The following CHST9 variants were observed in gnomAD, a reference collection of about 807,000 sequenced individuals.
CHST9 encodes the protein carbohydrate sulfotransferase 9.
In CHST9, 41 loss-of-function variants were observed where a neutral mutation model predicts 44.4. The ratio of observed to expected loss-of-function variants is 0.92; its 90% CI spans 0.72 to 1.20. CHST9 has a LOEUF of 1.20. Ranked by LOEUF, CHST9 falls within the 50% of genes most tolerant of loss-of-function variation. The probability of loss-of-function intolerance (pLI) is 0.00; values close to 1 mark genes in which losing one functional copy is unlikely to be tolerated. For synonymous variants in CHST9, 171 were observed against 178.4 expected (o/e 0.96, Z 0.33); for missense variants, 504 against 516.5 (o/e 0.98, Z 0.23).
At chr18:27,057,791 G>A (rs945494710) in intron 2 of CHST9, among the ~76,000 whole-genome samples, 1 of 152,228 alleles carries the variant, frequency 6.6e-6, no homozygotes, top group Admixed American at 6.5e-5. Context: ...AGCTTGAGAA[G>A]GACTGAATGC....
intron 4 of CHST9, among the ~76,000 whole-genome samples, chr18:27,001,384 G>A (rs1445087495): frequency 6.6e-6 from 1 of 152,204 alleles, no homozygotes; most frequent in Non-Finnish European, 1.5e-5. Flanking sequence ...GCTGCATCTA[G>A]TCCAAGAATG....
intron 4 of CHST9, among the ~76,000 whole-genome samples, chr18:26,956,501 T>TAC (rs1225034723): frequency 3.3e-5 from 5 of 149,364 alleles, no homozygotes; most frequent in African/African-American, 1.2e-4. Flanking sequence ...TTTATATATA[T>TAC]ACACACACAC....
At chr18:26,935,358 AC>A (rs2145096549) in intron 5 of CHST9, 1 of 152,320 alleles carries the variant, frequency 6.6e-6, no homozygotes, top group South Asian at 2.1e-4. Context: ...TTAAATTGTA[AC>A]TTTTATATTA....
At chr18:27,046,209 T>C (rs2057498206) in intron 3 of CHST9, among the ~76,000 whole-genome samples, 1 of 152,044 alleles carries the variant, frequency 6.6e-6, no homozygotes, top group South Asian at 2.1e-4. Context: ...GTTTCCTTGT[T>C]AGGAAGTTAT....
intron 4 of CHST9, among the ~76,000 whole-genome samples, chr18:27,019,992 T>TTTGTTTTTAATGAGTGGTGAG: frequency 6.6e-6 from 1 of 152,230 alleles, no homozygotes; most frequent in South Asian, 2.1e-4. Flanking sequence ...TGTCTTTGCA[T>TTTGTTTTTAATGAGTGGTGAG]TTGTTTTTAA....
chr18:26,932,828 C>T (rs1400803476), intron 5 of CHST9, among the ~76,000 whole-genome samples: 16 of 152,296 alleles, frequency 1.1e-4, no homozygotes, highest in Admixed American at 6.5e-4. Flanking sequence ...TTTCCATATT[C>T]TAGGTAGTAA....
At chr18:26,943,331 G>C (rs1181740339) in intron 5 of CHST9, among the ~76,000 whole-genome samples, 1 of 152,182 alleles carries the variant, frequency 6.6e-6, no homozygotes, top group African/African-American at 2.4e-5. Flanking sequence ...TTGAAAGCTT[G>C]ATGAGTTACA....
intron 4 of CHST9, among the ~76,000 whole-genome samples, chr18:27,000,622 G>GTCTATCTACCTATCTATCTA (rs1555675551): frequency 0.034 from 4,945 of 147,582 alleles, 267 homozygotes; most frequent in African/African-American, 0.11. Context: ...TATTTGTTTT[G>GTCTATCTACCTATCTATCTA]TCTATCTATC....
At chr18:27,173,771 T>C (rs1042349742) in intron 1 of CHST9, among the ~76,000 whole-genome samples, 1 of 152,030 alleles carries the variant, frequency 6.6e-6, no homozygotes, top group African/African-American at 2.4e-5. Context: ...AAAAATTATT[T>C]TATCCTTTGG....
chr18:26,955,617 T>A (rs528172315), intron 4 of CHST9, among the ~76,000 whole-genome samples: 15 of 152,216 alleles, frequency 9.9e-5, no homozygotes, highest in African/African-American at 3.6e-4. Flanking sequence ...TTGGGGTGTG[T>A]CTGGGGATGA....
chr18:27,151,858 A>G (rs2058662229), intron 1 of CHST9, among the ~76,000 whole-genome samples: 1 of 152,214 alleles, frequency 6.6e-6, no homozygotes, highest in Non-Finnish European at 1.5e-5. Context: ...ACAGAACTGT[A>G]AGATAATGCA....
chr18:27,074,367 A>G (rs1224789368), intron 2 of CHST9, among the ~76,000 whole-genome samples: 1 of 152,222 alleles, frequency 6.6e-6, no homozygotes, highest in East Asian at 1.9e-4. Context: ...AATGACTGGT[A>G]TGAGTTTTCA....
intron 4 of CHST9, among the ~76,000 whole-genome samples, chr18:26,964,596 T>G (rs767433152): frequency 4.6e-5 from 7 of 152,254 alleles, no homozygotes; most frequent in Non-Finnish European, 8.8e-5. Flanking sequence ...ATTTGCCCCC[T>G]GGCTTCTGGG....
intron 2 of CHST9, among the ~76,000 whole-genome samples, chr18:27,070,736 G>T (rs1296278358): frequency 6.6e-6 from 1 of 152,152 alleles, no homozygotes; most frequent in Non-Finnish European, 1.5e-5. Context: ...AACACTCCTT[G>T]CTTTTTGTTG....
intron 3 of CHST9, among the ~76,000 whole-genome samples, chr18:27,041,928 T>G (rs2057450049): frequency 6.6e-6 from 1 of 152,118 alleles, no homozygotes; most frequent in Admixed American, 6.6e-5. Context: ...CATTCAATAA[T>G]AAATATTGTT....
intron 1 of CHST9, among the ~76,000 whole-genome samples, chr18:27,152,950 T>C (rs567088765): frequency 6.6e-6 from 1 of 152,310 alleles, no homozygotes; most frequent in South Asian, 2.1e-4. Flanking sequence ...GTTGTCGTAA[T>C]TAATCATGTA....
chr18:27,135,251 C>T (rs1456763625), intron 2 of CHST9, among the ~76,000 whole-genome samples: 1 of 152,054 alleles, frequency 6.6e-6, no homozygotes, highest in Non-Finnish European at 1.5e-5. Flanking sequence ...AGTAGTGAAC[C>T]GTTTCATATT....
At position 26,917,003 on chromosome 18, in the gene CHST9, CTGA is replaced by C; in HGVS notation, c.585_587del (p.His195del). ...TGGATACTGTATGAAAAAGATGTGA[CTGA>C]TGATGACTCACCCCACCGTATTTCT... On this transcript the variant is annotated inframe_deletion, in exon 6 of 6. Transcript: ENST00000618847. The C allele has an allele frequency of 6.2e-7, 1 of 1,613,904 alleles. No homozygotes were observed. The highest frequency in any genetic ancestry group is 8.5e-7 in the Non-Finnish European group (1 of 1,179,878).
intron 3 of CHST9, among the ~76,000 whole-genome samples, chr18:27,033,377 A>G (rs895028115): frequency 6.6e-6 from 1 of 152,184 alleles, no homozygotes; most frequent in Non-Finnish European, 1.5e-5. Context: ...CACGCAGTTC[A>G]AGATCAACGT....
Sources: allele counts gnomAD v4.1 joint callset (sites outside exome capture counted in the v4.1 genomes callset), GRCh38; gene constraint gnomAD v4.1.1; transcripts MANE v1.5; gene names NCBI Gene and HGNC (gene_info 2026-07-23, HGNC 2026-07-21).